SGK1: variants seen among roughly 807,000 people sequenced by gnomAD.
The protein encoded by SGK1 is serine/threonine-protein kinase Sgk1.
Under a neutral mutation model 64.2 loss-of-function variants are expected in SGK1, and 26 were observed. That is an observed-to-expected ratio of 0.40 (90% CI 0.30 to 0.56). The LOEUF is 0.56. SGK1 is among the 20% of genes least tolerant of loss of function. The pLI, the probability that SGK1 is intolerant of heterozygous loss-of-function variation, is 0.38. For synonymous variants in SGK1, 265 were observed against 239.7 expected, an observed-to-expected ratio of 1.11 and a Z score of -0.98; for missense variants, 519 against 645.6, an observed-to-expected ratio of 0.80 and a Z score of 2.12.
intron 2 of SGK1, among the ~76,000 whole-genome samples, chr6:134,245,638 G>T (rs1447600282): frequency 1.3e-5 from 2 of 152,130 alleles, no homozygotes; most frequent in African/African-American, 4.8e-5. Flanking sequence ...GTGGATTATT[G>T]AGCCCAGGAT....
chr6:134,302,650 T>C (rs1468727228), intron 1 of SGK1, among the ~76,000 whole-genome samples: 1 of 152,186 alleles, frequency 6.6e-6, no homozygotes, highest in Non-Finnish European at 1.5e-5. Flanking sequence ...ATATCTAACA[T>C]ATTTTGAGTG....
chr6:134,171,551 C>T lies in SGK1; in HGVS notation c.1167+86G>A. 5 of 931,610 alleles carry T rather than the reference C, an allele frequency of 5.4e-6. 1 individual carries two copies. Among genetic ancestry groups the T allele is most frequent in the South Asian group, 4.2e-5 (3 of 72,022 alleles). The allele number at this position is 931,610 out of a possible 1,614,324, so 57.7% of individuals were successfully genotyped here. A position where few individuals can be genotyped will look rare whatever the true frequency, so the allele number is the denominator to read the frequency against. On this transcript the variant is annotated intron_variant, in intron 11 of 13. Coordinates refer to ENST00000367858, the MANE Select transcript of SGK1 (RefSeq NM_001143676.3). Reference sequence around the variant, plus strand: ...CTTTTGATAAGCGTACTGGTAAGGGCAAGACACCATGGCCAAGCATGGGCT... The same window carrying T: ...CTTTTGATAAGCGTACTGGTAAGGGTAAGACACCATGGCCAAGCATGGGCT...
chr6:134,218,081 T>C (rs1445870934), intron 2 of SGK1, among the ~76,000 whole-genome samples: 1 of 152,164 alleles, frequency 6.6e-6, no homozygotes, highest in Non-Finnish European at 1.5e-5. Flanking sequence ...ACACAACTAG[T>C]AGAGTTCAGA....
intron 3 of SGK1, chr6:134,175,532 G>A (rs1390762933): frequency 6.8e-7 from 1 of 1,474,310 alleles, no homozygotes; most frequent in Non-Finnish European, 9.1e-7. Flanking sequence ...CGGGGCCGGC[G>A]GCGGCGCTTA....
At chr6:134,267,134 C>T (rs1776865855) in intron 1 of SGK1, among the ~76,000 whole-genome samples, 1 of 151,988 alleles carries the variant, frequency 6.6e-6, no homozygotes, top group South Asian at 2.1e-4. Context: ...CCCTGAACAC[C>T]CGCACTCTAG....
In SGK1 at chr6:134,206,278, T is replaced by TA. The variant is rs199748829; in HGVS notation, c.361+1077_361+1078insT. Among the ~76,000 whole-genome samples the TA allele has an allele frequency of 4.9e-3, 709 of 145,028 alleles. 12 individuals are homozygous for TA. The highest frequency in any genetic ancestry group is 0.017 in the African/African-American group (659 of 39,322). ...CTGTCTTCTACTCCAGCAAATAGAC[T>TA]CATTCCTCATTCCTCCCAACACTTA... is the stretch of plus-strand genomic sequence containing the variant. On this transcript the variant is annotated intron_variant, in intron 3 of 13. Coordinates refer to ENST00000367858, the MANE Select transcript of SGK1 (RefSeq NM_001143676.3).
intron 2 of SGK1, among the ~76,000 whole-genome samples, chr6:134,243,363 C>A (rs1276120527): frequency 6.6e-6 from 1 of 151,672 alleles, no homozygotes; most frequent in Non-Finnish European, 1.5e-5. Context: ...ATTTATTTAT[C>A]TATTTATTTA....
intron 2 of SGK1, among the ~76,000 whole-genome samples, chr6:134,258,002 A>C (rs79617313): frequency 0.096 from 14,660 of 152,158 alleles, 787 homozygotes; most frequent in Admixed American, 0.16. Context: ...CAGCCTCTCC[A>C]CCTTCTCACC....
chr6:134,260,367 G>GCCCCCC (rs1491556165), intron 2 of SGK1: 8 of 56,804 alleles, frequency 1.4e-4, no homozygotes, highest in South Asian at 6.5e-4. Flanking sequence ...CCCTGTCCCC[G>GCCCCCC]ACCCCCACCC....
intron 1 of SGK1, among the ~76,000 whole-genome samples, chr6:134,287,471 G>A (rs1436269152): frequency 6.8e-6 from 1 of 148,128 alleles, no homozygotes; most frequent in Non-Finnish European, 1.5e-5. Flanking sequence ...AGGAAGATTG[G>A]TAATTTTGAG....
At chr6:134,257,514 T>C (rs933611520) in intron 2 of SGK1, among the ~76,000 whole-genome samples, 7 of 152,376 alleles carry the variant, frequency 4.6e-5, no homozygotes, top group East Asian at 1.9e-4. Context: ...TCGTTTTCTA[T>C]ATTTTATCTT....
intron 3 of SGK1, among the ~76,000 whole-genome samples, chr6:134,206,191 T>A (rs562237892): frequency 6.6e-6 from 1 of 151,586 alleles, no homozygotes; most frequent in South Asian, 2.1e-4. Context: ...GGTTTTCAAA[T>A]CTCTTCCTTG....
chr6:134,170,578 G>C, intron 13 of SGK1, 143 bp from the exon 14 acceptor site: 1 of 761,926 alleles, frequency 1.3e-6, no homozygotes, highest in Non-Finnish European at 2.1e-6. Context: ...ATCTCAAAAG[G>C]CTACACACAG....
chr6:134,244,097 A>G (rs973898694), intron 2 of SGK1, among the ~76,000 whole-genome samples: 1 of 152,090 alleles, frequency 6.6e-6, no homozygotes, highest in Non-Finnish European at 1.5e-5. Flanking sequence ...CATCTACATT[A>G]GGTATTTCTC....
At chr6:134,258,103 T>C (rs955139594) in intron 2 of SGK1, among the ~76,000 whole-genome samples, 14 of 151,518 alleles carry the variant, frequency 9.2e-5, no homozygotes, top group Non-Finnish European at 1.9e-4. Flanking sequence ...ACACAAAATA[T>C]AGATTTTTTT....
chr6:134,225,144 G>A (rs773446154), intron 2 of SGK1, among the ~76,000 whole-genome samples: 9 of 151,870 alleles, frequency 5.9e-5, no homozygotes, highest in Non-Finnish European at 1.2e-4. Flanking sequence ...GAGGTCAGGA[G>A]TGTGAGACCA....
intron 3 of SGK1, among the ~76,000 whole-genome samples, chr6:134,182,291 T>C (rs1775343425): frequency 6.6e-6 from 1 of 152,028 alleles, no homozygotes; most frequent in South Asian, 2.1e-4. Flanking sequence ...TTTATGCCTG[T>C]AATCCTAGCA....
intron 3 of SGK1, among the ~76,000 whole-genome samples, chr6:134,206,999 G>A (rs1424259112): frequency 6.6e-6 from 1 of 152,108 alleles, no homozygotes; most frequent in African/African-American, 2.4e-5. Context: ...GCCGAGGCGG[G>A]CGAATCACAA....
chr6:134,175,320 G>T (rs919736053), intron 3 of SGK1, among the ~76,000 whole-genome samples: 2 of 152,132 alleles, frequency 1.3e-5, no homozygotes, highest in Non-Finnish European at 2.9e-5. Flanking sequence ...GCCGTCCTGC[G>T]GCCGGACTCC....
Sources: gnomAD v4.1 joint callset for allele counts (sites outside exome capture counted in the v4.1 genomes callset) on GRCh38, gnomAD v4.1.1 for gene constraint, MANE v1.5 for transcripts, NCBI Gene and HGNC (gene_info 2026-07-23, HGNC 2026-07-21) for gene names.